The following APP variants were observed in gnomAD, a reference collection of about 807,000 sequenced individuals.
The protein encoded by APP is amyloid-beta precursor protein.
APP carries 31 observed loss-of-function variants against 101.4 expected under a neutral mutation model. That is an observed-to-expected ratio of 0.31 (90% CI 0.23 to 0.41). The LOEUF is 0.41. Among genes scored for constraint, APP ranks in the 10% least tolerant of loss-of-function variants. The probability of loss-of-function intolerance (pLI) is 1.00; values close to 1 mark genes in which losing one functional copy is unlikely to be tolerated. For synonymous variants in APP, 366 were observed against 364.4 expected (o/e 1.00, Z -0.05); for missense variants, 839 against 1,003.7 (o/e 0.84, Z 2.22).
chr21:25,927,641 CAT>C (rs1463132049), intron 13 of APP, among the ~76,000 whole-genome samples: 3 of 150,966 alleles, frequency 2.0e-5, no homozygotes, highest in Middle Eastern at 3.4e-3. Context: ...CCTGGCCACA[CAT>C]GTTTAAATGA....
intron 6 of APP, among the ~76,000 whole-genome samples, chr21:26,003,278 C>T (rs760589226): frequency 2.0e-5 from 3 of 152,252 alleles, no homozygotes; most frequent in Non-Finnish European, 4.4e-5. Context: ...GTTGAGCCTA[C>T]AACTCTTGCT....
intron 17 of APP, among the ~76,000 whole-genome samples, chr21:25,884,695 TAAA>T: frequency 6.6e-6 from 1 of 152,082 alleles, no homozygotes; most frequent in South Asian, 2.1e-4. Flanking sequence ...ATGCCCAGGT[TAAA>T]AAAAATTATC....
At chr21:26,094,949 G>A (rs1045197224) in intron 2 of APP, among the ~76,000 whole-genome samples, 4 of 151,858 alleles carry the variant, frequency 2.6e-5, no homozygotes, top group East Asian at 3.9e-4. Context: ...AGGTTCAAGC[G>A]ATTCTCCTGC....
At chr21:26,091,761 A>AAAATGAAGAGGAAAAGAGG (rs374604445) in intron 2 of APP, among the ~76,000 whole-genome samples, 27 of 152,156 alleles carry the variant, frequency 1.8e-4, no homozygotes, top group Non-Finnish European at 2.6e-4. Flanking sequence ...TTTGGAAACA[A>AAAATGAAGAGGAAAAGAGG]AAATGAAGAG....
At chr21:25,955,555 C>T in intron 12 of APP, 72 bp downstream of exon 12, 1 of 1,609,864 alleles carries the variant, frequency 6.2e-7, no homozygotes, top group Non-Finnish European at 8.5e-7. Context: ...TGCGTGGGAT[C>T]CTGTCACCAA....
chr21:25,979,715 C>G (rs2042353312), intron 9 of APP, among the ~76,000 whole-genome samples: 1 of 151,856 alleles, frequency 6.6e-6, no homozygotes, highest in South Asian at 2.1e-4. Flanking sequence ...CCTGTCACAT[C>G]TAAAACTAAC....
intron 1 of APP, among the ~76,000 whole-genome samples, chr21:26,127,646 T>A (rs1187339963): frequency 6.6e-6 from 1 of 152,148 alleles, no homozygotes; most frequent in Non-Finnish European, 1.5e-5. Context: ...ACCAATATGA[T>A]CTTTGGAATC....
Position 26,112,021 on chromosome 21 carries a change from G to C in APP, c.183C>G (p.Thr61=), listed in dbSNP as rs757977578. The change falls in exon 2 of 18, where the codon ACC becomes ACG. Residue 61 remains threonine (T), a synonymous_variant. Transcript: ENST00000346798. ...GGATGCCTTCCTTGGTATCAATGCA[G>C]GTTTTGGTCCCTGATGGATCTGAAT... is the stretch of plus-strand genomic sequence containing the variant. The part of the protein sequence containing the change: ...KWDSDPSGTK[T]CIDTKEGILQ... The C allele has an allele frequency of 1.9e-6, 3 of 1,614,150 alleles. No homozygotes were observed. In the Admixed American group the frequency reaches 5.0e-5, roughly 27 times the overall value.
intron 5 of APP, among the ~76,000 whole-genome samples, chr21:26,025,148 T>C (rs1245204425): frequency 6.6e-6 from 1 of 152,102 alleles, no homozygotes; most frequent in African/African-American, 2.4e-5. Context: ...TGCACGAAAG[T>C]TTACTACGTG....
At chr21:25,998,152 A>G (rs1348362575) in intron 7 of APP, among the ~76,000 whole-genome samples, 4 of 152,180 alleles carry the variant, frequency 2.6e-5, no homozygotes, top group Non-Finnish European at 4.4e-5. Context: ...ACTATACATG[A>G]TATTTCAGAA....
At chr21:26,058,588 G>C (rs953291242) in intron 3 of APP, among the ~76,000 whole-genome samples, 4 of 152,162 alleles carry the variant, frequency 2.6e-5, no homozygotes, top group Non-Finnish European at 5.9e-5. Context: ...TAAAACCACA[G>C]TAACTTCCCA....
chr21:26,030,309 G>A (rs2044763577), intron 5 of APP, among the ~76,000 whole-genome samples: 2 of 152,198 alleles, frequency 1.3e-5, no homozygotes, highest in African/African-American at 2.4e-5. Flanking sequence ...CATAACCTGT[G>A]AAGGACCTTT....
At chr21:26,044,370 T>C (rs143026910) in intron 5 of APP, among the ~76,000 whole-genome samples, 2 of 152,292 alleles carry the variant, frequency 1.3e-5, no homozygotes, top group Non-Finnish European at 2.9e-5. Context: ...CTTCCACATA[T>C]TGGCAAATAG....
intron 15 of APP, chr21:25,897,876 T>TA (rs980682502): frequency 1.1e-4 from 62 of 585,746 alleles, no homozygotes; most frequent in Non-Finnish European, 3.9e-5. Flanking sequence ...AATGAAAGGG[T>TA]AAGGGAAACC....
chr21:26,046,685 C>T (rs2045625164), intron 5 of APP, among the ~76,000 whole-genome samples: 1 of 152,118 alleles, frequency 6.6e-6, no homozygotes, highest in Non-Finnish European at 1.5e-5. Flanking sequence ...ATGTGAGTAC[C>T]TCCTCTGCAA....
At chr21:25,927,368 T>C (rs1028363656) in intron 13 of APP, among the ~76,000 whole-genome samples, 1 of 152,166 alleles carries the variant, frequency 6.6e-6, no homozygotes, top group African/African-American at 2.4e-5. Context: ...CTAAGTCAAA[T>C]TGTAGTGTAG....
chr21:26,121,758 G>A (rs1459315398), intron 1 of APP, among the ~76,000 whole-genome samples: 2 of 152,200 alleles, frequency 1.3e-5, no homozygotes, highest in Non-Finnish European at 2.9e-5. Flanking sequence ...GTTTTCTAGA[G>A]TTTAAGGCTT....
intron 1 of APP, among the ~76,000 whole-genome samples, chr21:26,151,717 T>C (rs1038202341): frequency 6.6e-6 from 1 of 152,184 alleles, no homozygotes; most frequent in Non-Finnish European, 1.5e-5. Flanking sequence ...TTTGCGCTCC[T>C]ATGAGCATCT....
chr21:26,165,953 T>C (rs921816492), intron 1 of APP, among the ~76,000 whole-genome samples: 5 of 152,284 alleles, frequency 3.3e-5, no homozygotes, highest in Middle Eastern at 6.8e-3. Flanking sequence ...AGAGCAATCA[T>C]TGTACTCCAG....
Sources: allele counts gnomAD v4.1 joint callset (sites outside exome capture counted in the v4.1 genomes callset), GRCh38; gene constraint gnomAD v4.1.1; transcripts MANE v1.5; gene names NCBI Gene and HGNC (gene_info 2026-07-23, HGNC 2026-07-21).